The following TBL1X variants were observed in gnomAD, a reference collection of about 807,000 sequenced individuals.
TBL1X encodes the protein F-box-like/WD repeat-containing protein TBL1X.
TBL1X carries 10 observed loss-of-function variants against 50.7 expected under a neutral mutation model. That is an observed-to-expected ratio of 0.20 (90% CI 0.12 to 0.33). The LOEUF is 0.33. Ranked by LOEUF, TBL1X falls within the 10% of genes least tolerant of loss-of-function variation. The pLI is 1.00. For missense variants in TBL1X, 340 were observed against 504.4 expected (o/e 0.67, Z 3.12); for synonymous variants, 190 against 214.7 (o/e 0.88, Z 1.01).
intron 16 of TBL1X, 33 bp downstream of exon 16, chrX:9,711,809 AG>A (rs2083249104): frequency 8.7e-7 from 1 of 1,155,914 alleles, no homozygotes. Context: ...AAATCCTTTT[AG>A]TAAGGGATGC....
chrX:9,482,723 C>T (rs1012009867), intron 1 of TBL1X, among the ~76,000 whole-genome samples: 1 of 110,671 alleles, frequency 9.0e-6, no homozygotes, highest in African/African-American at 3.3e-5. Context: ...TCTCTATAGC[C>T]AGCACCTTAA....
intron 2 of TBL1X, among the ~76,000 whole-genome samples, chrX:9,586,871 G>C (rs920522147): frequency 1.8e-5 from 2 of 112,189 alleles, no homozygotes; most frequent in African/African-American, 6.5e-5. Flanking sequence ...TTGCACTCCA[G>C]CCTGGGTGAC....
rs2083298841 is a variant in TBL1X, at chrX:9,719,715, A to G, written c.*3469A>G. ...CAACAGATCATATTCAGTGTCTTGA[A>G]TAAATTGCTCTATTTTGATATTAGA... On this transcript the variant is annotated 3_prime_UTR_variant, in exon 18 of 18. Coordinates refer to ENST00000645353, the MANE Select transcript of TBL1X (RefSeq NM_005647.4). 1 of 112,522 alleles carries G rather than the reference A, an allele frequency of 8.9e-6. No homozygotes were observed. The highest frequency in any genetic ancestry group is 1.9e-5 in the Non-Finnish European group (1 of 53,295). 9.3% of individuals were successfully genotyped at this position (112,522 alleles called of 1,213,427 possible).
intron 2 of TBL1X, among the ~76,000 whole-genome samples, chrX:9,532,275 G>T (rs2082166226): frequency 8.9e-6 from 1 of 111,982 alleles, no homozygotes; most frequent in African/African-American, 3.2e-5. Flanking sequence ...GCCCCACCCT[G>T]GACATCTGAG....
chrX:9,661,766 C>T (rs1288036776), intron 5 of TBL1X, among the ~76,000 whole-genome samples: 1 of 111,271 alleles, frequency 9.0e-6, no homozygotes, highest in Non-Finnish European at 1.9e-5. Context: ...CCAGCAAGTT[C>T]ACAGCGGGTA....
At chrX:9,712,791 T>A (rs1306524829) in intron 16 of TBL1X, among the ~76,000 whole-genome samples, 1 of 111,827 alleles carries the variant, frequency 8.9e-6, no homozygotes, top group Non-Finnish European at 1.9e-5. Context: ...GAATTCCAGC[T>A]GTAAAGTGTA....
intron 2 of TBL1X, among the ~76,000 whole-genome samples, chrX:9,550,916 G>A (rs978188839): frequency 6.3e-5 from 7 of 110,885 alleles, no homozygotes; most frequent in African/African-American, 2.3e-4. Flanking sequence ...CATCTAATGG[G>A]TAGAGGCCCA....
chrX:9,564,654 A>G (rs2082339987), intron 2 of TBL1X, among the ~76,000 whole-genome samples: 1 of 108,674 alleles, frequency 9.2e-6, no homozygotes, highest in South Asian at 4.1e-4. Context: ...AATCGCTTGA[A>G]CCCAGGAGGT....
At chrX:9,466,744 A>T (rs1481169189) in intron 1 of TBL1X, among the ~76,000 whole-genome samples, 2 of 112,262 alleles carry the variant, frequency 1.8e-5, no homozygotes, top group Non-Finnish European at 1.9e-5. Flanking sequence ...AGTCCTTCCT[A>T]GAAAAGATGT....
intron 5 of TBL1X, among the ~76,000 whole-genome samples, chrX:9,660,778 T>A (rs2082893445): frequency 8.9e-6 from 1 of 112,393 alleles, no homozygotes; most frequent in African/African-American, 3.2e-5. Context: ...CTTCTTTTAT[T>A]TACATAACGT....
intron 5 of TBL1X, among the ~76,000 whole-genome samples, chrX:9,670,377 C>A (rs1301834285): frequency 9.0e-6 from 1 of 111,137 alleles, no homozygotes; most frequent in Non-Finnish European, 1.9e-5. Flanking sequence ...CCCTACCCCA[C>A]CCCACTGCTC....
chrX:9,558,545 T>A (rs1312493084), intron 2 of TBL1X, among the ~76,000 whole-genome samples: 5 of 109,169 alleles, frequency 4.6e-5, no homozygotes, highest in African/African-American at 1.7e-4. Flanking sequence ...AAAAAAAATA[T>A]ATATATATAT....
intron 3 of TBL1X, among the ~76,000 whole-genome samples, chrX:9,640,735 A>G (rs2082771670): frequency 9.0e-6 from 1 of 111,382 alleles, no homozygotes; most frequent in South Asian, 3.8e-4. Context: ...GGTTCAAGCG[A>G]TTCTCCTGCC....
chrX:9,584,693 T>C (rs779793818), intron 2 of TBL1X, among the ~76,000 whole-genome samples: 1 of 112,418 alleles, frequency 8.9e-6, no homozygotes, highest in African/African-American at 3.2e-5. Context: ...AAAGTATAGA[T>C]ATTCAGCCAT....
chrX:9,510,098 C>T (rs2082048018), intron 2 of TBL1X, among the ~76,000 whole-genome samples: 2 of 110,971 alleles, frequency 1.8e-5, no homozygotes, highest in African/African-American at 6.6e-5. Flanking sequence ...CCTTTGGCAA[C>T]ATCTAGAGTT....
chrX:9,619,811 G>A (rs954050261), intron 2 of TBL1X, among the ~76,000 whole-genome samples: 3 of 111,539 alleles, frequency 2.7e-5, no homozygotes, highest in African/African-American at 9.8e-5. Flanking sequence ...CTCATGCTTG[G>A]GTGTCTGTCC....
At chrX:9,578,421 C>T (rs778632066) in intron 2 of TBL1X, among the ~76,000 whole-genome samples, 1 of 111,169 alleles carries the variant, frequency 9.0e-6, no homozygotes, top group African/African-American at 3.3e-5. Context: ...TTAGAGATGG[C>T]ACTGGTATTG....
chrX:9,705,266 A>T lies in TBL1X; in HGVS notation c.1236+152A>T. On this transcript the variant is annotated intron_variant, in intron 13 of 17. Coordinates refer to ENST00000645353, the MANE Select transcript of TBL1X (RefSeq NM_005647.4). Reference sequence around the variant, plus strand: ...GAGCTGTCATGGTTACCCCATGGTAACCATGGTGGTTGGATTGACTCAGTT... The same window carrying T: ...GAGCTGTCATGGTTACCCCATGGTATCCATGGTGGTTGGATTGACTCAGTT... The T allele has an allele frequency of 5.1e-6, 5 of 989,592 alleles. No homozygotes were observed. The South Asian group carries it at 1.1e-4, about 22-fold the overall frequency. 81.6% of individuals were successfully genotyped at this position (989,592 alleles called of 1,213,427 possible). A position where few individuals can be genotyped will look rare whatever the true frequency, so the allele number is the denominator to read the frequency against.
In TBL1X at chrX:9,491,573, A is replaced by G. The variant is rs369440258; in HGVS notation, c.-200-10207A>G. ...TTTGTTTCTACTCTGCACAGTACTC[A>G]GCATACGATAATGATCAGTCAGTTG... On this transcript the variant is annotated intron_variant, in intron 1 of 17. Coordinates refer to ENST00000645353, the MANE Select transcript of TBL1X (RefSeq NM_005647.4). Among the ~76,000 whole-genome samples, 11 of 108,945 alleles carry G rather than the reference A, an allele frequency of 1.0e-4. No homozygotes were observed. In the East Asian group the frequency reaches 3.2e-3, roughly 32 times the overall value. 94.6% of individuals were successfully genotyped at this position (108,945 alleles called of 115,157 possible).
Sources: allele counts gnomAD v4.1 joint callset (sites outside exome capture counted in the v4.1 genomes callset), GRCh38; gene constraint gnomAD v4.1.1; transcripts MANE v1.5; gene names NCBI Gene and HGNC (gene_info 2026-07-23, HGNC 2026-07-21).